Variants in CMIP observed in about 807,000 individuals in gnomAD.
CMIP encodes the protein c-Maf inducing protein, also known as C-Maf-inducing protein.
In CMIP, 13 loss-of-function variants were observed where a neutral mutation model predicts 97.3. The observed-to-expected ratio is 0.13, with a 90% CI of 0.09 to 0.21. The LOEUF is 0.21. Among genes scored for constraint, CMIP ranks in the 10% least tolerant of loss-of-function variants. The probability of loss-of-function intolerance (pLI) is 1.00; values close to 1 mark genes in which losing one functional copy is unlikely to be tolerated. For missense variants in CMIP, 847 were observed against 1,024.9 expected (o/e 0.83, Z 2.37); for synonymous variants, 538 against 436.3 (o/e 1.23, Z -2.91).
At chr16:81,506,655 C>G (rs1194801057) in intron 1 of CMIP, among the ~76,000 whole-genome samples, 3 of 152,224 alleles carry the variant, frequency 2.0e-5, no homozygotes, top group Non-Finnish European at 4.4e-5. Context: ...TCACTCATGC[C>G]TGTAATCCCA....
intron 2 of CMIP, among the ~76,000 whole-genome samples, chr16:81,612,141 G>C (rs1336425747): frequency 2.6e-5 from 4 of 152,246 alleles, no homozygotes; most frequent in Admixed American, 2.6e-4. Flanking sequence ...TGAAGGTGCT[G>C]TCACTGGCCC....
At chr16:81,560,624 A>G (rs2090864200) in intron 1 of CMIP, among the ~76,000 whole-genome samples, 1 of 152,028 alleles carries the variant, frequency 6.6e-6, no homozygotes, top group Admixed American at 6.6e-5. Flanking sequence ...CTCACCGCTC[A>G]CTCACTCACC....
intron 1 of CMIP, among the ~76,000 whole-genome samples, chr16:81,468,662 T>C (rs1159674050): frequency 6.6e-6 from 1 of 152,184 alleles, no homozygotes; most frequent in African/African-American, 2.4e-5. Flanking sequence ...AAGAGAGTTA[T>C]GGACAATCGG....
chr16:81,685,890 G>A (rs1905330876), intron 10 of CMIP, among the ~76,000 whole-genome samples: 1 of 152,132 alleles, frequency 6.6e-6, no homozygotes, highest in Admixed American at 6.5e-5. Flanking sequence ...TAGGGAGATC[G>A]TCTTCCTTCT....
chr16:81,572,725 C>T (rs1228223766), intron 1 of CMIP, among the ~76,000 whole-genome samples: 1 of 152,174 alleles, frequency 6.6e-6, no homozygotes, highest in East Asian at 1.9e-4. Flanking sequence ...GCCCTGGTGG[C>T]CCACAGTCCC....
intron 14 of CMIP, chr16:81,697,472 G>C (rs1906868318): frequency 6.6e-6 from 1 of 152,264 alleles, no homozygotes; most frequent in African/African-American, 2.4e-5. Context: ...CCATTTACTG[G>C]TCACTGGTGC....
Position 81,476,226 on chromosome 16 carries a change from C to A in CMIP, c.300+30685C>A, listed in dbSNP as rs373963285. The A allele has an allele frequency of 2.1e-6, 3 of 1,416,916 alleles. No individual in the cohort carries two copies. The East Asian group carries it at 6.8e-5, about 32-fold the overall frequency. The allele number at this position is 1,416,916 out of a possible 1,614,324, so 87.8% of individuals were successfully genotyped here. A position where few individuals can be genotyped will look rare whatever the true frequency, so the allele number is the denominator to read the frequency against. On this transcript the variant is annotated intron_variant, in intron 1 of 20. Transcript: ENST00000537098. ...TGTTGGGTCCAGCATTTGCCATGGA[C>A]AAGATGCCGGGACCTGTATGCTTTA...
rs549595797 is a variant in CMIP at position 81,692,133 on chromosome 16, C to T, written c.1454+293C>T. Reference sequence around the variant, plus strand: ...AATGCAAACAGAGCCCTCCCCATGGCTCCTGGCAGGCCGTGCAGTTATCGT... The same window carrying T: ...AATGCAAACAGAGCCCTCCCCATGGTTCCTGGCAGGCCGTGCAGTTATCGT... On this transcript the variant is annotated intron_variant, in intron 11 of 20. Coordinates refer to ENST00000537098, the MANE Select transcript of CMIP (RefSeq NM_198390.3). 2.0e-4 allele frequency among the ~76,000 whole-genome samples: 30 copies of T among 152,326 alleles called. No individual in the cohort carries two copies. In the East Asian group the frequency reaches 5.4e-3, roughly 27 times the overall value.
At chr16:81,605,093 C>G (rs1027849151) in intron 1 of CMIP, among the ~76,000 whole-genome samples, 6 of 152,160 alleles carry the variant, frequency 3.9e-5, no homozygotes, top group African/African-American at 1.4e-4. Flanking sequence ...GAACCAACCA[C>G]CAAGCCCTGG....
intron 1 of CMIP, among the ~76,000 whole-genome samples, chr16:81,497,757 A>G (rs1328536077): frequency 3.3e-5 from 5 of 152,246 alleles, no homozygotes; most frequent in African/African-American, 9.6e-5. Flanking sequence ...CTGTGAAGCC[A>G]CAGGGCTTGT....
At chr16:81,506,991 G>C (rs1156764428) in intron 1 of CMIP, among the ~76,000 whole-genome samples, 2 of 151,884 alleles carry the variant, frequency 1.3e-5, no homozygotes, top group Admixed American at 6.6e-5. Flanking sequence ...AGTGGCTCAC[G>C]CCTGTAATCC....
At chr16:81,596,576 C>G (rs1268394399) in intron 1 of CMIP, among the ~76,000 whole-genome samples, 1 of 151,222 alleles carries the variant, frequency 6.6e-6, no homozygotes, top group East Asian at 1.9e-4. Context: ...ACATTGTATA[C>G]TGCTTGATGA....
At chr16:81,599,723 AG>A (rs2091625316) in intron 1 of CMIP, among the ~76,000 whole-genome samples, 1 of 152,226 alleles carries the variant, frequency 6.6e-6, no homozygotes, top group South Asian at 2.1e-4. Flanking sequence ...TTATAAGAGC[AG>A]GAGGCCTGTG....
chr16:81,575,465 A>G (rs753876034), intron 1 of CMIP, among the ~76,000 whole-genome samples: 11 of 152,138 alleles, frequency 7.2e-5, no homozygotes, highest in Non-Finnish European at 1.6e-4. Context: ...CATTGTCCCG[A>G]GTCGAGTCCG....
intron 1 of CMIP, among the ~76,000 whole-genome samples, chr16:81,567,452 C>T (rs1034747402): frequency 3.3e-5 from 5 of 152,240 alleles, no homozygotes; most frequent in African/African-American, 9.6e-5. Context: ...ATTTGGGCCT[C>T]AGGAAAACAG....
At chr16:81,626,610 C>CGT (rs925395762) in intron 3 of CMIP, among the ~76,000 whole-genome samples, 1 of 77,354 alleles carries the variant, frequency 1.3e-5, no homozygotes, top group African/African-American at 5.2e-5. Flanking sequence ...TGACGGTGTG[C>CGT]GTGTGTGTGT....
intron 1 of CMIP, among the ~76,000 whole-genome samples, chr16:81,544,612 A>C (rs1488048224): frequency 2.0e-5 from 3 of 151,382 alleles, no homozygotes; most frequent in Non-Finnish European, 4.4e-5. Flanking sequence ...CAGGACCACC[A>C]CAGGGGTGCA....
chr16:81,644,717 C>T (rs1029922023), intron 3 of CMIP, among the ~76,000 whole-genome samples: 5 of 152,206 alleles, frequency 3.3e-5, no homozygotes, highest in African/African-American at 7.2e-5. Flanking sequence ...ATCAGGGAAG[C>T]CAGGGAAGAT....
chr16:81,654,857 T>C (rs932416515), intron 4 of CMIP, among the ~76,000 whole-genome samples: 3 of 151,544 alleles, frequency 2.0e-5, no homozygotes, highest in African/African-American at 7.3e-5. Flanking sequence ...GTAGAGACTT[T>C]CTGGCAAGTA....
Sources: gnomAD v4.1 joint callset for allele counts (sites outside exome capture counted in the v4.1 genomes callset) on GRCh38, gnomAD v4.1.1 for gene constraint, MANE v1.5 for transcripts, NCBI Gene and HGNC (gene_info 2026-07-23, HGNC 2026-07-21) for gene names.